Variants in POMT1 observed in about 807,000 individuals in gnomAD.
POMT1 encodes the protein protein O-mannosyl-transferase 1.
Under a neutral mutation model 101.6 loss-of-function variants are expected in POMT1, and 85 were observed. That is an observed-to-expected ratio of 0.84 (90% CI 0.70 to 1.00). The LOEUF is 1.00. Ranked by LOEUF, POMT1 falls within the 50% of genes least tolerant of loss-of-function variation. POMT1 has a pLI of 0.00. For synonymous variants in POMT1, 371 were observed against 383.0 expected (o/e 0.97, Z 0.37); for missense variants, 857 against 930.4 (o/e 0.92, Z 1.03).
intron 9 of POMT1, 23 bp downstream of exon 9, chr9:131,510,438 G>A: frequency 1.2e-6 from 2 of 1,609,054 alleles, no homozygotes; most frequent in Non-Finnish European, 1.7e-6. Flanking sequence ...TGGGCATCGT[G>A]GCCACTGGAG....
In POMT1 at chr9:131,521,477, G is replaced by C; in HGVS notation, c.1825+5G>C. The C allele has an allele frequency of 6.2e-7, 1 of 1,613,798 alleles. No individual in the cohort carries two copies. The highest frequency in any genetic ancestry group is 8.5e-7 in the Non-Finnish European group (1 of 1,179,826). On this transcript the variant is annotated splice_donor_5th_base_variant and intron_variant, in intron 18 of 19. Transcript: ENST00000402686. ...ATGTCCATGACCTCCCTCAGGGTTA[G>C]TACCTCTCCCACATGGCTTTCTTTC...
Position 131,521,683 on chromosome 9 carries a change from T to G in POMT1, c.1825+211T>G, listed in dbSNP as rs563059920. ...CCTACCCCTTAACGCGGCCTCTTTG[T>G]TTCTGTATTGTGGAATCTTAAATTA... On this transcript the variant is annotated intron_variant, in intron 18 of 19. Coordinates refer to ENST00000402686, the MANE Select transcript of POMT1 (RefSeq NM_001077365.2). Among the ~76,000 whole-genome samples, 11 of 152,240 alleles carry G rather than the reference T, an allele frequency of 7.2e-5. No homozygotes were observed. The South Asian group carries it at 1.2e-3, about 17-fold the overall frequency.
intron 12 of POMT1, among the ~76,000 whole-genome samples, chr9:131,513,749 TCTTC>T (rs1358193432): frequency 6.6e-6 from 1 of 152,210 alleles, no homozygotes; most frequent in Non-Finnish European, 1.5e-5. Context: ...CGTGAAGGCT[TCTTC>T]CTTCTCAGTC....
At chr9:131,512,764 A>C (rs2131696785) in intron 11 of POMT1, among the ~76,000 whole-genome samples, 1 of 152,090 alleles carries the variant, frequency 6.6e-6, no homozygotes, top group Non-Finnish European at 1.5e-5. Flanking sequence ...GGCGCCCACC[A>C]CCACATCCTG....
chr9:131,504,046 C>A, intron 1 of POMT1, 143 bp from the exon 2 acceptor site: 1 of 940,112 alleles, frequency 1.1e-6, no homozygotes, highest in South Asian at 1.4e-5. Context: ...CTACCTGAAC[C>A]AAGGCTCCAG....
Position 131,512,068 on chromosome 9 carries a change from C to T in POMT1, c.1014C>T (p.His338=), listed in dbSNP as rs886043203. Residue 338 remains histidine (H), a synonymous_variant, in exon 11 of 20, where the codon CAC becomes CAT. Transcript: ENST00000402686. ...MIYENGRGSS[H]QQQVTCYPFK... ...ATGAGAACGGCCGAGGCAGCTCCCA[C>T]CAGCAACAGGTGACCTGTTACCCCT... 1.2e-6 allele frequency: 2 copies of T among 1,614,040 alleles called. No homozygotes were observed. Among genetic ancestry groups the T allele is most frequent in the Non-Finnish European group, 1.7e-6 (2 of 1,180,036 alleles).
intron 9 of POMT1, 73 bp downstream of exon 9, chr9:131,510,488 C>T (rs1388115148): frequency 1.2e-5 from 18 of 1,514,720 alleles, no homozygotes; most frequent in Non-Finnish European, 1.6e-5. Context: ...CTTACAAACA[C>T]ATCAAGTGAA....
chr9:131,519,350 T>G lies in POMT1; in HGVS notation c.1487-39T>G, dbSNP rs749283300. Reference sequence around the variant, plus strand: ...CTTCTGCTCTGAGCTCTTGACCTTGTGCTACTTCTATCTGTTATGCCCTTG... The same window carrying G: ...CTTCTGCTCTGAGCTCTTGACCTTGGGCTACTTCTATCTGTTATGCCCTTG... On this transcript the variant is annotated intron_variant, in intron 15 of 19. Transcript: ENST00000402686. This position sits in a 1 kb window ranked among gnomAD's most constrained non-coding sequence, Gnocchi z 4.3. 1.9e-6 allele frequency: 3 copies of G among 1,539,558 alleles called. No homozygotes were observed. The South Asian group carries it at 3.6e-5, about 18-fold the overall frequency.
chr9:131,510,224 G>T (rs183985847), intron 8 of POMT1, 36 bp from the exon 9 acceptor site: 2 of 1,613,994 alleles, frequency 1.2e-6, no homozygotes, highest in African/African-American at 1.3e-5. Context: ...GCTTTTCCAC[G>T]CAGTGGAACA....
chr9:131,513,215 T>C (rs1405638722), intron 11 of POMT1, 24 bp from the exon 12 acceptor site: 4 of 1,604,558 alleles, frequency 2.5e-6, no homozygotes, highest in Admixed American at 1.7e-5. Context: ...CTCTGTGTGG[T>C]CCCGACAGCA....
chr9:131,513,428 C>G (rs959591437), intron 12 of POMT1, 97 bp downstream of exon 12: 2 of 1,099,166 alleles, frequency 1.8e-6, no homozygotes, highest in South Asian at 1.3e-5. Flanking sequence ...GCCGCTGCCC[C>G]CTGTCTACCC....
rs936448977 is a variant in POMT1, at chr9:131,523,519, C to G, written c.*413C>G. 3 of 307,422 alleles carry G rather than the reference C, an allele frequency of 9.8e-6. No homozygotes were observed. The highest frequency in any genetic ancestry group is 6.5e-5 in the African/African-American group (3 of 46,208). 19.0% of individuals were successfully genotyped at this position (307,422 alleles called of 1,614,324 possible). On this transcript the variant is annotated 3_prime_UTR_variant, in exon 20 of 20. Coordinates refer to ENST00000402686, the MANE Select transcript of POMT1 (RefSeq NM_001077365.2). ...CTTCATGAACACCCAGCAACCTGAG[C>G]AAGTCCCGGCCCTGCCCTCAGCGAG...
intron 18 of POMT1, 67 bp from the exon 19 acceptor site, chr9:131,521,980 C>G: frequency 6.2e-7 from 1 of 1,607,100 alleles, no homozygotes; most frequent in South Asian, 1.1e-5. Flanking sequence ...TCTAAAAAAG[C>G]AAAAGAGAGA....
At chr9:131,504,361 C>G in intron 2 of POMT1, 21 bp downstream of exon 2, 2 of 1,614,138 alleles carry the variant, frequency 1.2e-6, no homozygotes, top group Non-Finnish European at 1.7e-6. Context: ...TGACTCCATT[C>G]CCAGGGTGAA....
At chr9:131,514,220 C>T (rs994795084) in intron 12 of POMT1, among the ~76,000 whole-genome samples, 4 of 152,172 alleles carry the variant, frequency 2.6e-5, no homozygotes, top group South Asian at 2.1e-4. Flanking sequence ...GTCCGGCCTG[C>T]GGACCGTGCA....
At position 131,503,879 on chromosome 9, in the gene POMT1, G is replaced by A. The variant is rs999030266; in HGVS notation, c.-30-310G>A. On this transcript the variant is annotated intron_variant, in intron 1 of 19. Coordinates refer to ENST00000402686, the MANE Select transcript of POMT1 (RefSeq NM_001077365.2). This position sits in a 1 kb window ranked among gnomAD's most constrained non-coding sequence, Gnocchi z 4.4. The stretch of plus-strand genomic sequence containing the variant: ...TGTGGGCTTCTGGTCGTCGGGGAGG[G>A]AGGGGAGAAACCCTGGCGTTCCTTA... Among the ~76,000 whole-genome samples, 15 of 152,174 alleles carry A rather than the reference G, an allele frequency of 9.9e-5. No homozygotes were observed. The highest frequency in any genetic ancestry group is 2.2e-4 in the Non-Finnish European group (15 of 68,026).
At position 131,523,018 on chromosome 9, in the gene POMT1, T is replaced by C; in HGVS notation, c.2090T>C (p.Leu697Pro). ...ACHVSNTLRP[L>P]TYGDKSLSPH... is the part of the protein sequence containing the mutation. ...CACGTGTCCAACACGCTGCGCCCAC[T>C]CACCTACGGGGACAAGTCACTCTCG... The change falls in exon 20 of 20, where the codon CTC (leucine) becomes CCC (proline). Residue 697 changes from leucine to proline, a missense_variant. Physicochemically the swap from Leu to Pro is moderately conservative, Grantham distance 98 (BLOSUM62 -3). Transcript: ENST00000402686. 1.2e-6 allele frequency: 2 copies of C among 1,610,406 alleles called. No homozygotes were observed. The highest frequency in any genetic ancestry group is 1.7e-6 in the Non-Finnish European group (2 of 1,179,662).
chr9:131,504,242 T>G lies in POMT1; in HGVS notation c.24T>G (p.Pro8=). 2 of 1,614,160 alleles carry G rather than the reference T, an allele frequency of 1.2e-6. No homozygotes were observed. The highest frequency in any genetic ancestry group is 2.2e-5 in the South Asian group (2 of 91,082). ...AGATGTGGGGATTTTTGAAGCGCCC[T>G]GTAGTGGTGACGGCTGACATCAACT... MWGFLKR[P]VVVTADINLS... is the part of the protein sequence containing the mutation. Residue 8 remains proline, a synonymous_variant, in exon 2 of 20, where the codon CCT becomes CCG. Coordinates refer to ENST00000402686, the MANE Select transcript of POMT1 (RefSeq NM_001077365.2).
chr9:131,508,121 C>T (rs1946259824), intron 5 of POMT1, among the ~76,000 whole-genome samples: 1 of 152,022 alleles, frequency 6.6e-6, no homozygotes, highest in Non-Finnish European at 1.5e-5. Context: ...CCTGTAATCC[C>T]AGCTACTTGG....
Sources: allele counts gnomAD v4.1 joint callset (sites outside exome capture counted in the v4.1 genomes callset), GRCh38; gene constraint gnomAD v4.1.1; non-coding constraint Gnocchi (gnomAD v3.1); transcripts MANE v1.5; gene names NCBI Gene and HGNC (gene_info 2026-07-23, HGNC 2026-07-21).